SERPINB6: variants seen among roughly 807,000 people sequenced by gnomAD.
SERPINB6 encodes the protein serpin family B member 6, also known as serpin B6.
SERPINB6 carries 16 observed loss-of-function variants against 26.1 expected under a neutral mutation model. The observed-to-expected ratio is 0.61, with a 90% CI of 0.42 to 0.93. The LOEUF (loss-of-function observed/expected upper bound fraction) is 0.93. SERPINB6 is among the 40% of genes least tolerant of loss of function. The probability of loss-of-function intolerance (pLI) is 0.00; values close to 1 mark genes in which losing one functional copy is unlikely to be tolerated. For missense variants in SERPINB6, 420 were observed against 478.0 expected (o/e 0.88, Z 1.13); for synonymous variants, 174 against 176.6 (o/e 0.99, Z 0.11).
intron 1 of SERPINB6, 21 bp downstream of exon 1, chr6:2,971,512 G>T (rs1772175417): frequency 6.6e-6 from 1 of 152,228 alleles, no homozygotes; most frequent in East Asian, 1.9e-4. Flanking sequence ...TGTCCGAGCG[G>T]CTCCCAAGCC....
intron 1 of SERPINB6, chr6:2,961,430 C>G (rs952545843): frequency 6.6e-6 from 1 of 152,052 alleles, no homozygotes; most frequent in Non-Finnish European, 1.5e-5. Flanking sequence ...CTGGGAACAC[C>G]AGTATAAACA....
intron 1 of SERPINB6, chr6:2,970,268 TG>T: frequency 1.0e-6 from 1 of 985,572 alleles, no homozygotes; most frequent in African/African-American, 1.7e-5. Flanking sequence ...TGTTTCATGC[TG>T]AATTGTAATA....
intron 2 of SERPINB6, among the ~76,000 whole-genome samples, chr6:2,958,727 A>G (rs1397696649): frequency 6.6e-6 from 1 of 152,158 alleles, no homozygotes; most frequent in Non-Finnish European, 1.5e-5. Flanking sequence ...AGAGCTGGTT[A>G]CACAACAACA....
In SERPINB6 at chr6:2,953,161, C is replaced by A. The variant is rs758991047; in HGVS notation, c.456G>T (p.Pro152=). ...TEGKIAELLS[P]GSVDPLTRLV... ...GCCTTGTCAATGGATCCACTGAGCC[C>A]GGAGAGAGCAACTCCGCAATTTTAC... The change falls in exon 5 of 7, where the codon CCG becomes CCT. Residue 152 remains proline (P), a synonymous_variant. Coordinates refer to ENST00000380539, the MANE Select transcript of SERPINB6 (RefSeq NM_004568.6). The A allele has an allele frequency of 2.5e-6, 4 of 1,614,092 alleles. No individual in the cohort carries two copies. The highest frequency in any genetic ancestry group is 3.4e-6 in the Non-Finnish European group (4 of 1,180,046).
intron 5 of SERPINB6, 91 bp from the exon 6 acceptor site, chr6:2,949,160 G>T: frequency 7.1e-7 from 1 of 1,413,452 alleles, no homozygotes; most frequent in Non-Finnish European, 9.8e-7. Context: ...TCTGCAGGGA[G>T]AAACGCAGCT....
chr6:2,971,606 G>A (rs1561695746), upstream of SERPINB6: 1 of 152,214 alleles, frequency 6.6e-6, no homozygotes, highest in Non-Finnish European at 1.5e-5. Context: ...AATACTCGCG[G>A]GGAGGCGGGC....
intron 5 of SERPINB6, among the ~76,000 whole-genome samples, chr6:2,950,441 G>A (rs1303640216): frequency 2.0e-5 from 3 of 151,374 alleles, no homozygotes; most frequent in Non-Finnish European, 4.4e-5. Flanking sequence ...GCTGAGGTAG[G>A]AGAATCACTT....
Position 2,948,376 on chromosome 6 carries a change from G to T in SERPINB6, c.1053C>A (p.Ala351=). Reference sequence around the variant, plus strand: ...GGATGAAGAAAAGGAAGGGGTGGTCGGCGCAGAAGCGGGGGACGAATCTGG... The same window carrying T: ...GGATGAAGAAAAGGAAGGGGTGGTCTGCGCAGAAGCGGGGGACGAATCTGG... ...RCARFVPRFC[A]DHPFLFFIQH... The change falls in exon 7 of 7, where the codon GCC becomes GCA. Residue 351 remains alanine, a synonymous_variant. Transcript: ENST00000380539. The surrounding 1 kb of genome is among the most constrained non-coding windows in gnomAD (Gnocchi z 5.0). The T allele has an allele frequency of 6.2e-7, 1 of 1,614,156 alleles. No individual in the cohort carries two copies. Among genetic ancestry groups the T allele is most frequent in the Non-Finnish European group, 8.5e-7 (1 of 1,180,016 alleles).
chr6:2,948,558 T>C lies in SERPINB6; in HGVS notation c.871A>G (p.Met291Val). 1 of 1,614,226 alleles carries C rather than the reference T, an allele frequency of 6.2e-7. No individual in the cohort carries two copies. The highest frequency in any genetic ancestry group is 8.5e-7 in the Non-Finnish European group (1 of 1,180,044). ...TTGCCCAGCTCGAAGGCATCAGTCA[T>C]GCCCAGGTTGCGCAGGACACTCTCC... ...DMESVLRNLG[M>V]TDAFELGKAD... Residue 291 changes from methionine to valine, a missense_variant, in exon 7 of 7, where the codon ATG becomes GTG. Transcript: ENST00000380539. This position sits in a 1 kb window ranked among gnomAD's most constrained non-coding sequence, Gnocchi z 5.0.
chr6:2,952,994 AGAC>A (rs1769985116), intron 5 of SERPINB6, 47 bp downstream of exon 5: 2 of 1,612,342 alleles, frequency 1.2e-6, no homozygotes, highest in African/African-American at 1.3e-5. Flanking sequence ...CCCGAGCCGG[AGAC>A]GCTCGTGTGA....
At position 2,967,712 on chromosome 6, in the gene SERPINB6, A is replaced by G. The variant is rs1261272591; in HGVS notation, c.-11+3821T>C. The G allele has an allele frequency of 6.6e-6, 1 of 152,264 alleles. No homozygotes were observed. Among genetic ancestry groups the G allele is most frequent in the African/African-American group, 2.4e-5 (1 of 41,468 alleles). 9.4% of individuals were successfully genotyped at this position (152,264 alleles called of 1,614,324 possible). A position where few individuals can be genotyped will look rare whatever the true frequency, so the allele number is the denominator to read the frequency against. On this transcript the variant is annotated intron_variant, in intron 1 of 6. Transcript: ENST00000380539. This position sits in a 1 kb window ranked among gnomAD's most constrained non-coding sequence, Gnocchi z 4.3. ...GAAAAAAGGCTCAGTATCACTGATC[A>G]TTAGAGAAATGCAAATCAAAACCAC...
At chr6:2,965,527 C>T (rs1314723644) in intron 1 of SERPINB6, among the ~76,000 whole-genome samples, 1 of 152,028 alleles carries the variant, frequency 6.6e-6, no homozygotes, top group East Asian at 1.9e-4. Context: ...TTTTTTAATG[C>T]TTTATGCAAA....
chr6:2,955,803 G>C lies in SERPINB6; in HGVS notation c.166-133C>G, dbSNP rs1004674571. ...TTAAAAGATCTATCCGAGGCTGGGC[G>C]CAGCAGCTCACGCCTATAATCCCAG... On this transcript the variant is annotated intron_variant, in intron 2 of 6. Transcript: ENST00000380539. The C allele has an allele frequency of 6.0e-6, 6 of 1,002,762 alleles. No individual in the cohort carries two copies. The African/African-American group carries it at 9.6e-5, about 16-fold the overall frequency. The allele number at this position is 1,002,762 out of a possible 1,614,324, so 62.1% of individuals were successfully genotyped here. A position where few individuals can be genotyped will look rare whatever the true frequency, so the allele number is the denominator to read the frequency against.
At chr6:2,970,265 T>C (rs907903778) in intron 1 of SERPINB6, 1 of 985,424 alleles carries the variant, frequency 1.0e-6, no homozygotes, top group African/African-American at 1.7e-5. Context: ...AACTGTTTCA[T>C]GCTGAATTGT....
At chr6:2,969,965 T>C (rs1346876829) in intron 1 of SERPINB6, 12 of 774,834 alleles carry the variant, frequency 1.5e-5, no homozygotes, top group East Asian at 1.3e-4. Context: ...TGAAACCCCA[T>C]TGCTACTAAA....
rs772001810 is a variant in SERPINB6 at position 2,959,357 on chromosome 6, A to G, written c.-10-15T>C. 5.0e-6 allele frequency: 8 copies of G among 1,612,964 alleles called. No individual in the cohort carries two copies. In the South Asian group the frequency reaches 7.7e-5, roughly 15 times the overall value. ...TGATGGCAGACCTGGAACAAGATTT[A>G]AAATCAGTATCACTTAAGCACAGCT... On this transcript the variant is annotated splice_polypyrimidine_tract_variant and intron_variant, in intron 1 of 6. Transcript: ENST00000380539.
intron 2 of SERPINB6, chr6:2,957,583 C>T (rs1315050319): frequency 1.3e-5 from 2 of 152,236 alleles, no homozygotes; most frequent in South Asian, 4.1e-4. Flanking sequence ...GACTCCCAAC[C>T]CAACAAAGAG....
Position 2,954,728 on chromosome 6 carries a change from C to T in SERPINB6, c.313-19G>A, listed in dbSNP as rs1770231357. The T allele has an allele frequency of 3.2e-6, 5 of 1,558,878 alleles. No individual in the cohort carries two copies. In the African/African-American group the frequency reaches 4.1e-5, roughly 13 times the overall value. ...TAAAAGACTAGGATAGACAGAGTGA[C>T]ATAACTGCCTGGCTACAAAAATGAT... is the stretch of plus-strand genomic sequence containing the variant. On this transcript the variant is annotated intron_variant, in intron 3 of 6. Coordinates refer to ENST00000380539, the MANE Select transcript of SERPINB6 (RefSeq NM_004568.6).
chr6:2,950,073 C>T (rs988079855), intron 5 of SERPINB6, among the ~76,000 whole-genome samples: 1 of 152,212 alleles, frequency 6.6e-6, no homozygotes, highest in African/African-American at 2.4e-5. Flanking sequence ...CTATCCCCTC[C>T]CTTGGTATGT....
Sources: allele counts gnomAD v4.1 joint callset (sites outside exome capture counted in the v4.1 genomes callset), GRCh38; gene constraint gnomAD v4.1.1; non-coding constraint Gnocchi (gnomAD v3.1); transcripts MANE v1.5; gene names NCBI Gene and HGNC (gene_info 2026-07-23, HGNC 2026-07-21).